Variants in ANKFN1 observed in about 807,000 individuals in gnomAD.
The protein encoded by ANKFN1 is ankyrin repeat and fibronectin type-III domain-containing protein 1.
A neutral mutation model predicts 108.7 loss-of-function variants in ANKFN1; 74 were observed. That is an observed-to-expected ratio of 0.68 (90% CI 0.56 to 0.83). The LOEUF (loss-of-function observed/expected upper bound fraction) is 0.83. Among genes scored for constraint, ANKFN1 ranks in the 40% least tolerant of loss-of-function variants. ANKFN1 has a pLI of 0.00. For missense variants in ANKFN1, 1,505 were observed against 1,382.3 expected, an observed-to-expected ratio of 1.09 and a Z score of -1.41; for synonymous variants, 547 against 516.2, an observed-to-expected ratio of 1.06 and a Z score of -0.81.
intron 20 of ANKFN1, among the ~76,000 whole-genome samples, chr17:56,504,829 A>ATTTTTTT (rs5821133): frequency 8.6e-6 from 1 of 116,502 alleles, no homozygotes. Context: ...TAATTTTTGG[A>ATTTTTTT]TTTTTTTTTT....
intron 3 of ANKFN1, among the ~76,000 whole-genome samples, chr17:56,289,477 G>A (rs1053213816): frequency 1.3e-5 from 2 of 152,190 alleles, no homozygotes; most frequent in Admixed American, 1.3e-4. Flanking sequence ...CCAGTGTGAA[G>A]TTCTCATTCA....
intron 3 of ANKFN1, among the ~76,000 whole-genome samples, chr17:56,316,986 C>T (rs528515634): frequency 4.8e-4 from 73 of 152,296 alleles, no homozygotes; most frequent in Middle Eastern, 3.4e-3. Context: ...ATAAATAACA[C>T]ACGTTTAAAG....
intron 4 of ANKFN1, among the ~76,000 whole-genome samples, chr17:56,139,941 C>T (rs1378396055): frequency 6.6e-6 from 1 of 152,170 alleles, no homozygotes; most frequent in Admixed American, 6.5e-5. Flanking sequence ...AAGTTCAGTC[C>T]TTAACCTCTG....
intron 4 of ANKFN1, among the ~76,000 whole-genome samples, chr17:56,346,571 C>A (rs1193145107): frequency 2.0e-5 from 3 of 151,778 alleles, no homozygotes; most frequent in African/African-American, 7.3e-5. Flanking sequence ...TAAATTTAGC[C>A]ATTTTTCTTG....
intron 4 of ANKFN1, among the ~76,000 whole-genome samples, chr17:56,099,695 C>G (rs1316573674): frequency 6.6e-6 from 1 of 152,168 alleles, no homozygotes; most frequent in Non-Finnish European, 1.5e-5. Flanking sequence ...GAAGGAGGTT[C>G]CTGGTAGAGA....
intron 1 of ANKFN1, among the ~76,000 whole-genome samples, chr17:56,174,880 G>A (rs1910998538): frequency 6.6e-6 from 1 of 152,154 alleles, no homozygotes; most frequent in Admixed American, 6.5e-5. Context: ...CAGGGAATGG[G>A]TTTTACTCAG....
intron 18 of ANKFN1, among the ~76,000 whole-genome samples, chr17:56,489,825 A>G (rs1054706033): frequency 6.6e-6 from 1 of 152,136 alleles, no homozygotes; most frequent in Admixed American, 6.6e-5. Context: ...TGCTAACAGG[A>G]CATAATCCCT....
intron 3 of ANKFN1, among the ~76,000 whole-genome samples, chr17:56,307,115 A>G (rs994587289): frequency 1.3e-5 from 2 of 152,236 alleles, no homozygotes; most frequent in East Asian, 1.9e-4. Context: ...ACCTAAAACC[A>G]TAAAAACCCT....
chr17:56,087,022 C>T (rs1488198801), intron 4 of ANKFN1, among the ~76,000 whole-genome samples: 3 of 151,244 alleles, frequency 2.0e-5, no homozygotes, highest in African/African-American at 7.3e-5. Flanking sequence ...GATGATATGT[C>T]TAAAATGGTA....
At chr17:56,377,257 C>T (rs1005847434) in intron 8 of ANKFN1, among the ~76,000 whole-genome samples, 1 of 152,200 alleles carries the variant, frequency 6.6e-6, no homozygotes, top group African/African-American at 2.4e-5. Flanking sequence ...CATTTGTTTA[C>T]ACTCAACCCA....
At chr17:56,223,136 TA>T (rs1916004081) in intron 2 of ANKFN1, among the ~76,000 whole-genome samples, 1 of 152,184 alleles carries the variant, frequency 6.6e-6, no homozygotes, top group South Asian at 2.1e-4. Flanking sequence ...GTTTTTGTTA[TA>T]AAAATTTTCA....
chr17:56,059,423 C>A (rs192802314), intron 4 of ANKFN1, among the ~76,000 whole-genome samples: 1 of 152,158 alleles, frequency 6.6e-6, no homozygotes, highest in Non-Finnish European at 1.5e-5. Context: ...TGTGCAGAAG[C>A]TGTTTAGTTT....
intron 3 of ANKFN1, among the ~76,000 whole-genome samples, chr17:56,269,578 T>C (rs2043739100): frequency 6.6e-6 from 1 of 152,200 alleles, no homozygotes; most frequent in African/African-American, 2.4e-5. Flanking sequence ...AGTCAGCTCT[T>C]GCCATCAAAA....
chr17:56,163,427 G>A (rs1909866160), intron 1 of ANKFN1, among the ~76,000 whole-genome samples: 1 of 152,204 alleles, frequency 6.6e-6, no homozygotes, highest in Middle Eastern at 3.2e-3. Context: ...GAAAGCCCTG[G>A]CTGGCTCCTG....
chr17:56,424,853 G>C (rs1402813406), intron 8 of ANKFN1, among the ~76,000 whole-genome samples: 1 of 152,112 alleles, frequency 6.6e-6, no homozygotes, highest in Non-Finnish European at 1.5e-5. Context: ...AAGGATGAAA[G>C]CATCCCCAAA....
At chr17:56,128,262 A>G (rs566190244) in intron 4 of ANKFN1, among the ~76,000 whole-genome samples, 26 of 150,208 alleles carry the variant, frequency 1.7e-4, no homozygotes, top group African/African-American at 6.4e-4. Flanking sequence ...GGAGGTGCTC[A>G]GTGATTAAGA....
intron 3 of ANKFN1, among the ~76,000 whole-genome samples, chr17:56,231,499 G>A (rs1916734577): frequency 6.6e-6 from 1 of 152,094 alleles, no homozygotes; most frequent in Non-Finnish European, 1.5e-5. Flanking sequence ...GCTTTTTTAT[G>A]GCTGCTAGGC....
intron 1 of ANKFN1, among the ~76,000 whole-genome samples, chr17:56,198,918 CCTT>C (rs1232948298): frequency 6.6e-6 from 1 of 152,154 alleles, no homozygotes; most frequent in Non-Finnish European, 1.5e-5. Context: ...CTTCTCTAAT[CCTT>C]CTTCTTAATA....
At chr17:56,502,057 T>C (rs1393961846) in intron 20 of ANKFN1, among the ~76,000 whole-genome samples, 3 of 152,050 alleles carry the variant, frequency 2.0e-5, no homozygotes, top group East Asian at 1.9e-4. Context: ...GGGAAGGTAG[T>C]AGCTAGAGAA....
Sources: gnomAD v4.1 joint callset for allele counts (sites outside exome capture counted in the v4.1 genomes callset) on GRCh38, gnomAD v4.1.1 for gene constraint, MANE v1.5 for transcripts, NCBI Gene and HGNC (gene_info 2026-07-23, HGNC 2026-07-21) for gene names.